RIN2: variants seen among roughly 807,000 people sequenced by gnomAD.
RIN2 encodes RAB5 interacting protein 2.
RIN2 carries 36 observed loss-of-function variants against 78.0 expected under a neutral mutation model. The observed-to-expected ratio is 0.46, with a 90% confidence interval of 0.35 to 0.61. RIN2 has a LOEUF of 0.61. RIN2 is among the 20% of genes least tolerant of loss of function. RIN2 has a pLI of 0.00. For missense variants in RIN2, 1,087 were observed against 1,159.7 expected, an observed-to-expected ratio of 0.94 and a Z score of 0.91; for synonymous variants, 466 against 466.8, an observed-to-expected ratio of 1.00 and a Z score of 0.02.
chr20:19,883,135 T>C lies in RIN2; in HGVS notation c.-36-6431T>C, dbSNP rs542188257. On this transcript the variant is annotated intron_variant, in intron 2 of 12. Transcript: ENST00000255006. ...CCACCCCTCTTTCCCTGCTCAATCA[T>C]ATTCCAAGTGAGTTGAGTCCATCAG... is the stretch of plus-strand genomic sequence containing the variant. 5.9e-5 allele frequency among the ~76,000 whole-genome samples: 9 copies of C among 152,090 alleles called. No homozygotes were observed. The South Asian group carries it at 1.9e-3, about 32-fold the overall frequency.
rs746721643 is a variant in RIN2 at position 19,810,872 on chromosome 20, GTGTGTGTTT to G, written c.-37+11127_-37+11135del. 2.9e-3 allele frequency among the ~76,000 whole-genome samples: 395 copies of G among 136,222 alleles called. 6 individuals are homozygous for G. The highest frequency in any genetic ancestry group is 0.024 in the Admixed American group (339 of 14,254). The allele number at this position is 136,222 out of a possible 152,430, so 89.4% of individuals were successfully genotyped here. A position where few individuals can be genotyped will look rare whatever the true frequency, so the allele number is the denominator to read the frequency against. On this transcript the variant is annotated intron_variant, in intron 2 of 12. Coordinates refer to ENST00000255006, the MANE Select transcript of RIN2 (RefSeq NM_018993.4). ...CCATGCCCGGCTAAATTTTGTGTGT[GTGTGTGTTT>G]TTTTTTTTTTTAGTAGAGACAGGGT...
At chr20:19,917,178 G>A (rs146669303) in intron 3 of RIN2, among the ~76,000 whole-genome samples, 1 of 151,782 alleles carries the variant, frequency 6.6e-6, no homozygotes, top group Non-Finnish European at 1.5e-5. Flanking sequence ...GCTTCAGGGA[G>A]GGAGAGGGCC....
At chr20:19,930,666 G>A (rs573295966) in intron 3 of RIN2, among the ~76,000 whole-genome samples, 1 of 152,270 alleles carries the variant, frequency 6.6e-6, no homozygotes, top group East Asian at 1.9e-4. Flanking sequence ...TCTGATAGGT[G>A]TGTGGCTCTC....
At chr20:19,761,401 C>G (rs1186781073) in intron 1 of RIN2, among the ~76,000 whole-genome samples, 1 of 152,152 alleles carries the variant, frequency 6.6e-6, no homozygotes, top group African/African-American at 2.4e-5. Context: ...CTAATGTTGT[C>G]TGTTTTTTTA....
At chr20:19,894,150 G>A (rs1175406100) in intron 3 of RIN2, among the ~76,000 whole-genome samples, 1 of 152,182 alleles carries the variant, frequency 6.6e-6, no homozygotes, top group African/African-American at 2.4e-5. Context: ...AAAGTTACCT[G>A]CTTTTAAGTA....
intron 2 of RIN2, among the ~76,000 whole-genome samples, chr20:19,880,813 CAGATG>C (rs1568567283): frequency 6.6e-6 from 1 of 152,180 alleles, no homozygotes; most frequent in African/African-American, 2.4e-5. Context: ...TGTGAACAAG[CAGATG>C]AGATCTCTAA....
intron 3 of RIN2, among the ~76,000 whole-genome samples, chr20:19,900,447 C>A (rs1163766225): frequency 1.3e-5 from 2 of 151,794 alleles, no homozygotes; most frequent in Non-Finnish European, 2.9e-5. Context: ...TGTGCCACTG[C>A]ACTCCAGCCT....
At chr20:19,758,734 A>G (rs1022078548) in intron 1 of RIN2, among the ~76,000 whole-genome samples, 2 of 152,012 alleles carry the variant, frequency 1.3e-5, no homozygotes, top group African/African-American at 4.8e-5. Context: ...ACCTTTGAGG[A>G]GTTCTACCTG....
At chr20:19,920,491 G>A (rs986204625) in intron 3 of RIN2, among the ~76,000 whole-genome samples, 2 of 152,104 alleles carry the variant, frequency 1.3e-5, no homozygotes, top group African/African-American at 4.8e-5. Context: ...ATAGATCAAG[G>A]CCTCAGCAGG....
Position 19,779,365 on chromosome 20 carries a change from G to C in RIN2, c.-162-20257G>C, listed in dbSNP as rs184057181. ...TTACTGAGTGCTACCATGCCCAGGT[G>C]CTGAGCTAAGTGCTCTTCTCTGGGC... is the stretch of plus-strand genomic sequence containing the variant. On this transcript the variant is annotated intron_variant, in intron 1 of 12. Coordinates refer to ENST00000255006, the MANE Select transcript of RIN2 (RefSeq NM_018993.4). 3.0e-3 allele frequency among the ~76,000 whole-genome samples: 462 copies of C among 152,258 alleles called. 4 individuals carry two copies. Among genetic ancestry groups the C allele is most frequent in the African/African-American group, 0.011 (440 of 41,542 alleles).
At chr20:19,764,930 T>TTTTTTTTC (rs2033817230) in intron 1 of RIN2, among the ~76,000 whole-genome samples, 1 of 131,944 alleles carries the variant, frequency 7.6e-6, no homozygotes, top group Non-Finnish European at 1.6e-5. Context: ...TTTTTTTTTT[T>TTTTTTTTC]TTTTTTTTTT....
chr20:19,851,035 A>AAGG (rs1568814936), intron 2 of RIN2, among the ~76,000 whole-genome samples: 25 of 114,154 alleles, frequency 2.2e-4, no homozygotes, highest in African/African-American at 8.5e-4. Context: ...GGAAGGAAGG[A>AAGG]AGGAAGGAAG....
intron 9 of RIN2, among the ~76,000 whole-genome samples, chr20:19,979,503 A>C (rs746768243): frequency 3.3e-5 from 5 of 152,206 alleles, no homozygotes; most frequent in African/African-American, 7.2e-5. Context: ...GAGAAATGAT[A>C]CGGAAAATGT....
intron 4 of RIN2, among the ~76,000 whole-genome samples, chr20:19,942,109 C>CAA (rs755899342): frequency 4.4e-5 from 3 of 68,334 alleles, no homozygotes; most frequent in South Asian, 5.0e-4. Flanking sequence ...GACTCTATCT[C>CAA]AAAAAAAAAA....
intron 2 of RIN2, among the ~76,000 whole-genome samples, chr20:19,854,317 G>T (rs1261089835): frequency 1.3e-5 from 2 of 152,242 alleles, no homozygotes; most frequent in Admixed American, 6.5e-5. Flanking sequence ...GTAGTGTGAT[G>T]CCTCCAGCTT....
At chr20:19,838,538 T>C (rs1469377667) in intron 2 of RIN2, among the ~76,000 whole-genome samples, 1 of 152,218 alleles carries the variant, frequency 6.6e-6, no homozygotes, top group African/African-American at 2.4e-5. Flanking sequence ...GGTCCACTTT[T>C]TGGCTATTAT....
intron 3 of RIN2, among the ~76,000 whole-genome samples, chr20:19,903,216 G>C (rs2039065277): frequency 6.6e-6 from 1 of 152,176 alleles, no homozygotes; most frequent in South Asian, 2.1e-4. Flanking sequence ...TGTTGCTAGG[G>C]GTAGCTTGAT....
intron 4 of RIN2, among the ~76,000 whole-genome samples, chr20:19,951,941 C>T (rs1182242891): frequency 2.0e-5 from 3 of 152,130 alleles, no homozygotes; most frequent in Admixed American, 1.3e-4. Flanking sequence ...TCTTAGAAAT[C>T]GCTAGTTTCT....
chr20:19,828,691 A>G (rs1274022207), intron 2 of RIN2, among the ~76,000 whole-genome samples: 3 of 152,238 alleles, frequency 2.0e-5, no homozygotes, highest in Non-Finnish European at 2.9e-5. Context: ...AAAAGAAAAA[A>G]TATGTTTCTT....
Sources: allele counts gnomAD v4.1 joint callset (sites outside exome capture counted in the v4.1 genomes callset), GRCh38; gene constraint gnomAD v4.1.1; transcripts MANE v1.5; gene names NCBI Gene and HGNC (gene_info 2026-07-23, HGNC 2026-07-21).